The following RGS7BP variants were observed in gnomAD, a reference collection of about 807,000 sequenced individuals.
RGS7BP encodes the protein regulator of G protein signaling 7 binding protein, also known as regulator of G protein signaling 7-binding protein.
A neutral mutation model predicts 31.3 loss-of-function variants in RGS7BP; 9 were observed. The ratio of observed to expected loss-of-function variants is 0.29; its 90% CI spans 0.17 to 0.50. The LOEUF (loss-of-function observed/expected upper bound fraction) is 0.50, where lower values mean the gene tolerates loss of function less well. Ranked by LOEUF, RGS7BP falls within the 20% of genes least tolerant of loss-of-function variation. The probability of loss-of-function intolerance (pLI) is 0.98; values close to 1 mark genes in which losing one functional copy is unlikely to be tolerated. For synonymous variants in RGS7BP, 115 were observed against 120.1 expected (o/e 0.96, Z 0.28); for missense variants, 274 against 322.0 (o/e 0.85, Z 1.14).
intron 2 of RGS7BP, among the ~76,000 whole-genome samples, chr5:64,513,357 C>T (rs1748889496): frequency 6.6e-6 from 1 of 152,058 alleles, no homozygotes; most frequent in Non-Finnish European, 1.5e-5. Flanking sequence ...CCTTCTCCTC[C>T]TCCTGCCTTT....
chr5:64,549,177 A>G (rs993786099), intron 2 of RGS7BP, among the ~76,000 whole-genome samples: 2 of 152,212 alleles, frequency 1.3e-5, no homozygotes, highest in Non-Finnish European at 2.9e-5. Context: ...CTCGCCAGCT[A>G]TATATCTGTG....
chr5:64,515,162 G>C (rs1474662599), intron 2 of RGS7BP, among the ~76,000 whole-genome samples: 1 of 152,068 alleles, frequency 6.6e-6, no homozygotes, highest in Non-Finnish European at 1.5e-5. Flanking sequence ...AAGTTTACTT[G>C]GTATTTTAAA....
intron 2 of RGS7BP, among the ~76,000 whole-genome samples, chr5:64,538,372 T>C (rs965458062): frequency 3.9e-5 from 6 of 152,106 alleles, no homozygotes; most frequent in South Asian, 2.1e-4. Flanking sequence ...CTTCCCCTTT[T>C]CATAGCCCCG....
intron 3 of RGS7BP, among the ~76,000 whole-genome samples, chr5:64,579,068 C>T (rs1232340251): frequency 6.6e-6 from 1 of 152,068 alleles, no homozygotes; most frequent in Non-Finnish European, 1.5e-5. Flanking sequence ...ATGCATGTAC[C>T]CTACACTCCT....
At chr5:64,550,218 G>C (rs1741756709) in intron 2 of RGS7BP, among the ~76,000 whole-genome samples, 1 of 152,154 alleles carries the variant, frequency 6.6e-6, no homozygotes, top group South Asian at 2.1e-4. Flanking sequence ...CCACAGACCA[G>C]GTGGCTTAAA....
At chr5:64,529,749 T>C (rs1199088268) in intron 2 of RGS7BP, among the ~76,000 whole-genome samples, 1 of 152,232 alleles carries the variant, frequency 6.6e-6, no homozygotes, top group Non-Finnish European at 1.5e-5. Context: ...CTGTCTCCCT[T>C]TCTCTTTCAC....
chr5:64,511,805 T>A (rs909553632), intron 2 of RGS7BP, among the ~76,000 whole-genome samples: 7 of 152,230 alleles, frequency 4.6e-5, no homozygotes, highest in African/African-American at 1.7e-4. Context: ...GATGGAATGC[T>A]TAGCTCTCTA....
intron 2 of RGS7BP, among the ~76,000 whole-genome samples, chr5:64,545,648 T>C (rs529921547): frequency 2.9e-4 from 44 of 152,136 alleles, no homozygotes; most frequent in Non-Finnish European, 6.2e-4. Flanking sequence ...GGAAATTAAG[T>C]ATAATTCAAA....
At chr5:64,524,543 A>C (rs981778022) in intron 2 of RGS7BP, among the ~76,000 whole-genome samples, 4 of 152,146 alleles carry the variant, frequency 2.6e-5, no homozygotes, top group Non-Finnish European at 5.9e-5. Flanking sequence ...TTCCTCTATA[A>C]TTTCTTCTAA....
chr5:64,556,417 CCACACACACACACACACACA>C (rs10624566), intron 2 of RGS7BP, among the ~76,000 whole-genome samples: 80 of 125,398 alleles, frequency 6.4e-4, no homozygotes, highest in African/African-American at 2.3e-3. Context: ...TCTTCCCCAG[CCACACACACACACACACACA>C]CACACACACA....
intron 2 of RGS7BP, among the ~76,000 whole-genome samples, chr5:64,536,922 C>T (rs1317687681): frequency 1.3e-5 from 2 of 152,170 alleles, no homozygotes; most frequent in Non-Finnish European, 2.9e-5. Flanking sequence ...GCCAAGGTAA[C>T]TATAAAAGAC....
chr5:64,570,636 C>T (rs1327798674), intron 2 of RGS7BP, among the ~76,000 whole-genome samples: 1 of 152,096 alleles, frequency 6.6e-6, no homozygotes, highest in East Asian at 1.9e-4. Flanking sequence ...CATTTCGTAA[C>T]TAAAATCCCC....
intron 2 of RGS7BP, among the ~76,000 whole-genome samples, chr5:64,529,993 TA>T (rs1749330217): frequency 6.6e-6 from 1 of 152,182 alleles, no homozygotes; most frequent in Non-Finnish European, 1.5e-5. Flanking sequence ...GTGACATCAA[TA>T]AACCAGGAAA....
chr5:64,601,414 G>A (rs1050085575), intron 5 of RGS7BP: 38 of 978,962 alleles, frequency 3.9e-5, no homozygotes, highest in Non-Finnish European at 3.4e-5. Context: ...GTCAAAACTC[G>A]GCTCCACAAT....
chr5:64,516,853 C>T (rs1265049166), intron 2 of RGS7BP, among the ~76,000 whole-genome samples: 1 of 152,100 alleles, frequency 6.6e-6, no homozygotes, highest in East Asian at 1.9e-4. Flanking sequence ...AGTTCCATCC[C>T]TAGAGTTTCT....
At chr5:64,555,193 A>G (rs544950509) in intron 2 of RGS7BP, among the ~76,000 whole-genome samples, 1 of 152,124 alleles carries the variant, frequency 6.6e-6, no homozygotes, top group Admixed American at 6.6e-5. Context: ...ACTACAATAC[A>G]ATTAAGCTTG....
intron 3 of RGS7BP, among the ~76,000 whole-genome samples, chr5:64,587,988 A>G (rs1742803679): frequency 6.6e-6 from 1 of 152,236 alleles, no homozygotes; most frequent in Non-Finnish European, 1.5e-5. Context: ...AAGATTTTTA[A>G]GGAAAACAAA....
intron 3 of RGS7BP, among the ~76,000 whole-genome samples, chr5:64,582,993 C>G (rs1162600862): frequency 2.0e-5 from 3 of 152,042 alleles, no homozygotes; most frequent in African/African-American, 7.2e-5. Context: ...AGACATGATT[C>G]AAATCCTAAG....
chr5:64,604,499 A>C (rs898734508), intron 5 of RGS7BP, among the ~76,000 whole-genome samples: 3 of 152,114 alleles, frequency 2.0e-5, no homozygotes, highest in Admixed American at 2.0e-4. Flanking sequence ...AGAGCCTTGG[A>C]CTTAGCAGGC....
Sources: allele counts gnomAD v4.1 joint callset (sites outside exome capture counted in the v4.1 genomes callset), GRCh38; gene constraint gnomAD v4.1.1; transcripts MANE v1.5; gene names NCBI Gene and HGNC (gene_info 2026-07-23, HGNC 2026-07-21).